Variants in NOS1 observed in about 807,000 individuals in gnomAD.
NOS1 encodes nitric oxide synthase 1.
Under a neutral mutation model 164.5 loss-of-function variants are expected in NOS1, and 51 were observed. That is an observed-to-expected ratio of 0.31 (90% CI 0.25 to 0.39). NOS1 has a LOEUF of 0.39. NOS1 is among the 10% of genes least tolerant of loss of function. The pLI is 1.00. For missense variants in NOS1, 1,362 were observed against 1,885.6 expected (o/e 0.72, Z 5.14); for synonymous variants, 719 against 745.8 (o/e 0.96, Z 0.59).
chr12:117,264,900 C>T (rs889080371), intron 12 of NOS1, among the ~76,000 whole-genome samples: 31 of 151,880 alleles, frequency 2.0e-4, no homozygotes, highest in African/African-American at 4.4e-4. Context: ...GATGGGGTTT[C>T]GCCATGTTGG....
chr12:117,239,444 G>A (rs533641000), intron 20 of NOS1, among the ~76,000 whole-genome samples: 7 of 152,304 alleles, frequency 4.6e-5, no homozygotes, highest in South Asian at 4.1e-4. Flanking sequence ...CTTCTGTGTC[G>A]TTTGCTAATT....
intron 17 of NOS1, among the ~76,000 whole-genome samples, chr12:117,251,011 T>G (rs1871061584): frequency 6.6e-6 from 1 of 152,216 alleles, no homozygotes; most frequent in Non-Finnish European, 1.5e-5. Context: ...ATTCATAGGT[T>G]GAAACCTAAC....
At chr12:117,299,635 C>CA (rs35293946) in intron 3 of NOS1, among the ~76,000 whole-genome samples, 27,693 of 86,718 alleles carry the variant, frequency 0.32, 3,101 homozygotes, top group African/African-American at 0.38. Context: ...ACTTTGTCTC[C>CA]AAAAAAAAAA....
intron 2 of NOS1, among the ~76,000 whole-genome samples, chr12:117,321,642 G>A (rs7308402): frequency 0.26 from 38,883 of 151,968 alleles, 5,668 homozygotes; most frequent in Non-Finnish European, 0.33. Context: ...ATAAAAGGTG[G>A]AAATTCAGGT....
chr12:117,287,927 G>C (rs1257106403), intron 5 of NOS1, 147 bp downstream of exon 5: 3 of 762,134 alleles, frequency 3.9e-6, no homozygotes, highest in African/African-American at 3.5e-5. Context: ...CTGGGGAACA[G>C]ATGTGACCTA....
At chr12:117,274,960 T>C (rs1179606406) in intron 9 of NOS1, among the ~76,000 whole-genome samples, 1 of 151,900 alleles carries the variant, frequency 6.6e-6, no homozygotes, top group Non-Finnish European at 1.5e-5. Flanking sequence ...ATGTGTGATA[T>C]GTTATATATA....
At chr12:117,264,180 C>T (rs955330288) in intron 12 of NOS1, among the ~76,000 whole-genome samples, 1 of 151,878 alleles carries the variant, frequency 6.6e-6, no homozygotes, top group Non-Finnish European at 1.5e-5. Flanking sequence ...GTGGTCTGGC[C>T]TTGGCAGTGT....
chr12:117,310,097 A>G (rs1297144156), intron 3 of NOS1, among the ~76,000 whole-genome samples: 1 of 152,078 alleles, frequency 6.6e-6, no homozygotes, highest in East Asian at 1.9e-4. Flanking sequence ...TTTTAGAGAT[A>G]GGGTTTTGCC....
chr12:117,290,501 G>A, intron 3 of NOS1, 75 bp from the exon 4 acceptor site: 2 of 1,509,212 alleles, frequency 1.3e-6, no homozygotes. Context: ...CAGAGGCTGG[G>A]AGAGCCATTG....
rs777714218 is a variant in NOS1 at position 117,280,863 on chromosome 12, A to C, written c.1386T>G (p.Ser462=). The C allele has an allele frequency of 3.1e-6, 5 of 1,613,926 alleles. No individual in the cohort carries two copies. In the Admixed American group the frequency reaches 5.0e-5, roughly 16 times the overall value. ...TCCTCTGGGGGAATATGGTGATGGC[A>C]GACCTGTGGTGGAGAGAGGGGAACA... ...KYATNKGNLR[S]AITIFPQRTD... The change falls in exon 8 of 29, where the codon TCT becomes TCG. Residue 462 remains serine, a synonymous_variant. Transcript: ENST00000317775.
rs760336647 is a variant in NOS1, at chr12:117,326,517, G to A, written c.725+3828C>T. ...CTCATCCTTAGAACTGCTCACCTAA[G>A]TGGGTTTCACAGAGCCCTGTACTTG... On this transcript the variant is annotated intron_variant, in intron 2 of 28. Coordinates refer to ENST00000317775, the MANE Select transcript of NOS1 (RefSeq NM_000620.5). Among the ~76,000 whole-genome samples, 59 of 152,198 alleles carry A rather than the reference G, an allele frequency of 3.9e-4. 3 individuals carry two copies. The highest frequency in any genetic ancestry group is 1.3e-4 in the Non-Finnish European group (9 of 68,036).
chr12:117,211,476 C>T lies in NOS1; in HGVS notation c.*3833G>A, dbSNP rs1005931437. On this transcript the variant is annotated 3_prime_UTR_variant, in exon 29 of 29. Coordinates refer to ENST00000317775, the MANE Select transcript of NOS1 (RefSeq NM_000620.5). ...AGTATAACTCCAATCGCCTTAATGT[C>T]CCTTTTTGAAAAACATTCTTAGGGA... 54 of 984,712 alleles carry T rather than the reference C, an allele frequency of 5.5e-5. No individual in the cohort carries two copies. Among genetic ancestry groups the T allele is most frequent in the Admixed American group, 6.1e-5 (1 of 16,262 alleles). 61.0% of individuals were successfully genotyped at this position (984,712 alleles called of 1,614,324 possible). A position where few individuals can be genotyped will look rare whatever the true frequency, so the allele number is the denominator to read the frequency against.
At chr12:117,231,365 AG>A (rs1265712856) in intron 22 of NOS1, among the ~76,000 whole-genome samples, 1 of 152,112 alleles carries the variant, frequency 6.6e-6, no homozygotes, top group Non-Finnish European at 1.5e-5. Flanking sequence ...GATCTAGACA[AG>A]GTGACTATAG....
chr12:117,349,808 C>T (rs771172549), intron 1 of NOS1, among the ~76,000 whole-genome samples: 1 of 152,142 alleles, frequency 6.6e-6, no homozygotes, highest in Non-Finnish European at 1.5e-5. Flanking sequence ...ACTGCAGTCT[C>T]GAACTCCTGG....
intron 3 of NOS1, among the ~76,000 whole-genome samples, chr12:117,299,434 C>G (rs1306796299): frequency 2.6e-5 from 4 of 151,848 alleles, no homozygotes; most frequent in Admixed American, 1.3e-4. Context: ...GTCAGGAGAT[C>G]AAGACCATCC....
chr12:117,336,440 T>A (rs1875825190), intron 1 of NOS1, among the ~76,000 whole-genome samples: 1 of 152,214 alleles, frequency 6.6e-6, no homozygotes, highest in South Asian at 2.1e-4. Context: ...CTGTCCAATA[T>A]GGCAGCCGCT....
At chr12:117,218,001 G>A in intron 28 of NOS1, 45 bp downstream of exon 28, 1 of 1,385,996 alleles carries the variant, frequency 7.2e-7, no homozygotes, top group South Asian at 1.2e-5. Context: ...GGACCTAGAA[G>A]AGAGGGCTCT....
intron 10 of NOS1, among the ~76,000 whole-genome samples, chr12:117,269,639 T>C (rs1481243933): frequency 6.6e-6 from 1 of 151,856 alleles, no homozygotes; most frequent in Non-Finnish European, 1.5e-5. Context: ...AGCTAAGTTT[T>C]GTAATTTTAG....
rs1872820077 is a variant in NOS1 at position 117,288,082 on chromosome 12, T to C, written c.1119A>G (p.Ser373=). The C allele has an allele frequency of 6.2e-7, 1 of 1,613,860 alleles. No individual in the cohort carries two copies. The highest frequency in any genetic ancestry group is 1.1e-5 in the South Asian group (1 of 91,068). Residue 373 remains serine (S), a synonymous_variant, in exon 5 of 29, where the codon TCA becomes TCG. Transcript: ENST00000317775. ...AKEFIDQYYS[S]IKRFGSKAHM... ...AATTGACACACACTTGCCTTTTAAT[T>C]GATGAATAGTATTGATCAATAAACT... is the stretch of plus-strand genomic sequence containing the variant.
Sources: gnomAD v4.1 joint callset for allele counts (sites outside exome capture counted in the v4.1 genomes callset) on GRCh38, gnomAD v4.1.1 for gene constraint, MANE v1.5 for transcripts, NCBI Gene and HGNC (gene_info 2026-07-23, HGNC 2026-07-21) for gene names.